Variants in RSPO2 observed in about 807,000 individuals in gnomAD.
The protein encoded by RSPO2 is R-spondin-2.
In RSPO2, 14 loss-of-function variants were observed where a neutral mutation model predicts 30.9. The ratio of observed to expected loss-of-function variants is 0.45; its 90% CI spans 0.30 to 0.71. RSPO2 has a LOEUF of 0.71. Among genes scored for constraint, RSPO2 ranks in the 30% least tolerant of loss-of-function variants. The pLI is 0.08. For synonymous variants in RSPO2, 107 were observed against 96.4 expected (o/e 1.11, Z -0.64); for missense variants, 264 against 301.9 (o/e 0.87, Z 0.93).
intron 2 of RSPO2, among the ~76,000 whole-genome samples, chr8:108,055,342 G>T (rs1324027608): frequency 2.6e-5 from 4 of 152,146 alleles, no homozygotes; most frequent in Non-Finnish European, 5.9e-5. Flanking sequence ...AGGAGGCAGA[G>T]GCAGACAGGT....
chr8:107,926,876 C>T (rs537277384), intron 5 of RSPO2, among the ~76,000 whole-genome samples: 30 of 152,234 alleles, frequency 2.0e-4, no homozygotes, highest in Middle Eastern at 6.8e-3. Flanking sequence ...CTTAGCAATG[C>T]GAGCTCTTTT....
intron 2 of RSPO2, among the ~76,000 whole-genome samples, chr8:108,005,140 A>C (rs1395823065): frequency 1.3e-5 from 2 of 152,148 alleles, no homozygotes; most frequent in African/African-American, 4.8e-5. Context: ...ATGACTGGTC[A>C]TATATTTGGG....
intron 2 of RSPO2, among the ~76,000 whole-genome samples, chr8:108,031,710 G>T (rs775851732): frequency 2.4e-4 from 36 of 152,082 alleles, no homozygotes; most frequent in Non-Finnish European, 8.8e-5. Flanking sequence ...AGTGAACTTT[G>T]TTTCTGATTT....
chr8:108,074,368 CAA>C (rs1424054072), intron 2 of RSPO2, among the ~76,000 whole-genome samples: 1 of 152,134 alleles, frequency 6.6e-6, no homozygotes, highest in Non-Finnish European at 1.5e-5. Context: ...GTGTTAAACA[CAA>C]AATACACATA....
intron 5 of RSPO2, among the ~76,000 whole-genome samples, chr8:107,902,984 T>C (rs1811526232): frequency 6.6e-6 from 1 of 152,064 alleles, no homozygotes; most frequent in South Asian, 2.1e-4. Flanking sequence ...CCATCATTAA[T>C]CAAAGCAGCT....
intron 5 of RSPO2, among the ~76,000 whole-genome samples, chr8:107,929,013 C>T (rs1364832257): frequency 6.6e-6 from 1 of 152,130 alleles, no homozygotes; most frequent in African/African-American, 2.4e-5. Flanking sequence ...AGAGCCAAAT[C>T]ACAAGAAAGG....
At chr8:108,017,238 C>T (rs1053395937) in intron 2 of RSPO2, among the ~76,000 whole-genome samples, 1 of 152,028 alleles carries the variant, frequency 6.6e-6, no homozygotes, top group African/African-American at 2.4e-5. Context: ...AAGATGGTCT[C>T]GATCTCATGA....
chr8:107,948,921 A>G (rs1813153333), intron 5 of RSPO2, among the ~76,000 whole-genome samples: 2 of 151,704 alleles, frequency 1.3e-5, no homozygotes, highest in South Asian at 2.1e-4. Context: ...TTTATTGACA[A>G]GTTTGAAGAG....
chr8:107,924,677 A>G (rs1028129665), intron 5 of RSPO2, among the ~76,000 whole-genome samples: 17 of 152,060 alleles, frequency 1.1e-4, no homozygotes, highest in African/African-American at 4.1e-4. Context: ...AACTGAACAG[A>G]AAAGAGACCA....
At chr8:108,077,193 C>G (rs915349842) in intron 2 of RSPO2, among the ~76,000 whole-genome samples, 9 of 152,058 alleles carry the variant, frequency 5.9e-5, no homozygotes, top group African/African-American at 2.2e-4. Context: ...AAAAGAAAAT[C>G]TTTTTATTAA....
intron 5 of RSPO2, among the ~76,000 whole-genome samples, chr8:107,933,999 C>T (rs613502): frequency 0.53 from 80,538 of 151,940 alleles, 23,458 homozygotes; most frequent in East Asian, 0.69. Flanking sequence ...AGACAATTCA[C>T]AAAAAAATGA....
chr8:108,055,278 G>A (rs1328819478), intron 2 of RSPO2, among the ~76,000 whole-genome samples: 1 of 152,206 alleles, frequency 6.6e-6, no homozygotes, highest in African/African-American at 2.4e-5. Context: ...AGTCAAGAGT[G>A]TATGAGAGAC....
intron 5 of RSPO2, among the ~76,000 whole-genome samples, chr8:107,951,525 A>G (rs1233084676): frequency 6.6e-6 from 1 of 152,092 alleles, no homozygotes; most frequent in Non-Finnish European, 1.5e-5. Flanking sequence ...TGTTTTATAT[A>G]TTTTATATTA....
intron 3 of RSPO2, among the ~76,000 whole-genome samples, chr8:107,986,840 A>G (rs1814657129): frequency 6.6e-6 from 1 of 152,208 alleles, no homozygotes; most frequent in South Asian, 2.1e-4. Context: ...TAGGTAGTCT[A>G]AAGAAATCTG....
intron 2 of RSPO2, among the ~76,000 whole-genome samples, chr8:108,059,060 G>A (rs750779109): frequency 1.3e-4 from 19 of 151,650 alleles, no homozygotes; most frequent in Non-Finnish European, 2.6e-4. Flanking sequence ...AGTGAAACAG[G>A]CAACCTACAA....
At chr8:107,922,230 C>T (rs1398877231) in intron 5 of RSPO2, among the ~76,000 whole-genome samples, 2 of 152,064 alleles carry the variant, frequency 1.3e-5, no homozygotes, top group African/African-American at 4.8e-5. Context: ...AGCTCCTTCA[C>T]CTGATAAACA....
intron 5 of RSPO2, among the ~76,000 whole-genome samples, chr8:107,929,386 G>A (rs775913799): frequency 7.2e-5 from 11 of 152,168 alleles, no homozygotes; most frequent in Non-Finnish European, 1.3e-4. Context: ...TCTCGCAGTT[G>A]GGGACCAATG....
chr8:108,013,851 G>C (rs972655818), intron 2 of RSPO2, among the ~76,000 whole-genome samples: 6 of 152,148 alleles, frequency 3.9e-5, no homozygotes, highest in African/African-American at 1.4e-4. Context: ...TTGACAAATG[G>C]GATCTAATAA....
chr8:107,925,844 G>A (rs1473505943), intron 5 of RSPO2, among the ~76,000 whole-genome samples: 2 of 152,148 alleles, frequency 1.3e-5, no homozygotes, highest in Non-Finnish European at 2.9e-5. Flanking sequence ...TTGCTATTGT[G>A]AGTAGTGCCA....
Sources: gnomAD v4.1 joint callset for allele counts (sites outside exome capture counted in the v4.1 genomes callset) on GRCh38, gnomAD v4.1.1 for gene constraint, MANE v1.5 for transcripts, NCBI Gene and HGNC (gene_info 2026-07-23, HGNC 2026-07-21) for gene names.